The following ERICH3 variants were observed in gnomAD, a reference collection of about 807,000 sequenced individuals.
ERICH3 encodes the protein glutamate-rich protein 3.
ERICH3 carries 126 observed loss-of-function variants against 131.1 expected under a neutral mutation model. The observed-to-expected ratio is 0.96, with a 90% CI of 0.83 to 1.11. The LOEUF (loss-of-function observed/expected upper bound fraction) is 1.11. Among genes scored for constraint, ERICH3 ranks in the 50% most tolerant of loss-of-function variants. The pLI, the probability that ERICH3 is intolerant of heterozygous loss-of-function variation, is 0.00. For missense variants in ERICH3, 2,050 were observed against 1,810.7 expected, an observed-to-expected ratio of 1.13 and a Z score of -2.40; for synonymous variants, 695 against 644.6, an observed-to-expected ratio of 1.08 and a Z score of -1.18.
intron 2 of ERICH3, among the ~76,000 whole-genome samples, chr1:74,648,067 T>G (rs991504406): frequency 2.0e-5 from 3 of 152,098 alleles, no homozygotes; most frequent in Admixed American, 2.0e-4. Context: ...GGTCTCACAT[T>G]CGCATTTTCT....
chr1:74,667,164 C>G (rs146159094), intron 1 of ERICH3, among the ~76,000 whole-genome samples: 1 of 151,964 alleles, frequency 6.6e-6, no homozygotes, highest in Admixed American at 6.6e-5. Context: ...GTCTTTATTT[C>G]GTCTATGACT....
chr1:74,630,142 C>G (rs1030881521), intron 7 of ERICH3, among the ~76,000 whole-genome samples: 1 of 152,110 alleles, frequency 6.6e-6, no homozygotes, highest in Non-Finnish European at 1.5e-5. Context: ...ATCCGAAAAT[C>G]AAATCCTGCC....
At chr1:74,651,823 C>T (rs147705554) in intron 1 of ERICH3, among the ~76,000 whole-genome samples, 154 of 152,186 alleles carry the variant, frequency 1.0e-3, no homozygotes, top group African/African-American at 3.5e-3. Context: ...TAAATTATCC[C>T]CTTCCTTAAT....
chr1:74,657,461 G>A (rs1338272505), intron 1 of ERICH3, among the ~76,000 whole-genome samples: 1 of 151,934 alleles, frequency 6.6e-6, no homozygotes, highest in African/African-American at 2.4e-5. Context: ...CTTTATAGGG[G>A]GTGATTAAAC....
chr1:74,599,674 A>C, intron 11 of ERICH3, 21 bp downstream of exon 11: 5 of 1,563,604 alleles, frequency 3.2e-6, no homozygotes, highest in Middle Eastern at 3.4e-4. Context: ...CCTATGTTAC[A>C]TGATAAGCTG....
At chr1:74,640,852 T>G (rs1489015138) in intron 5 of ERICH3, among the ~76,000 whole-genome samples, 1 of 152,032 alleles carries the variant, frequency 6.6e-6, no homozygotes, top group Non-Finnish European at 1.5e-5. Context: ...TATGTAGAGA[T>G]AAGGTGGAAG....
At chr1:74,595,779 T>C (rs1246022151) in intron 11 of ERICH3, among the ~76,000 whole-genome samples, 1 of 152,096 alleles carries the variant, frequency 6.6e-6, no homozygotes, top group Non-Finnish European at 1.5e-5. Context: ...AGTATTCACC[T>C]GAAGTTATGC....
intron 5 of ERICH3, among the ~76,000 whole-genome samples, chr1:74,640,973 G>A (rs1051628973): frequency 3.9e-5 from 6 of 152,046 alleles, no homozygotes; most frequent in African/African-American, 1.4e-4. Context: ...GAAAAAATTT[G>A]GAATAGCTAA....
chr1:74,644,348 TC>T (rs34199842), intron 3 of ERICH3, among the ~76,000 whole-genome samples: 1 of 152,158 alleles, frequency 6.6e-6, no homozygotes, highest in South Asian at 2.1e-4. Flanking sequence ...ACTTGCCACT[TC>T]CCTACTGCTG....
At chr1:74,662,563 TA>T (rs537643305) in intron 1 of ERICH3, among the ~76,000 whole-genome samples, 25 of 152,014 alleles carry the variant, frequency 1.6e-4, no homozygotes, top group African/African-American at 5.5e-4. Context: ...ATCATTTTGT[TA>T]AAAAAAAGGA....
At chr1:74,596,173 T>C (rs1337485214) in intron 11 of ERICH3, among the ~76,000 whole-genome samples, 1 of 152,102 alleles carries the variant, frequency 6.6e-6, no homozygotes, top group East Asian at 1.9e-4. Context: ...ATAGCATGAA[T>C]GAAATCATCT....
At chr1:74,583,942 A>T (rs2100550774) in intron 12 of ERICH3, among the ~76,000 whole-genome samples, 1 of 152,334 alleles carries the variant, frequency 6.6e-6, no homozygotes. Context: ...ATATCAGAAG[A>T]GGGTTTTGTC....
intron 12 of ERICH3, among the ~76,000 whole-genome samples, chr1:74,588,366 A>T (rs1647432325): frequency 6.6e-6 from 1 of 152,188 alleles, no homozygotes; most frequent in South Asian, 2.1e-4. Flanking sequence ...TCAGCAAGTT[A>T]TGAGAGAAAC....
chr1:74,575,925 C>CT (rs1553161124), intron 13 of ERICH3, among the ~76,000 whole-genome samples: 39 of 151,972 alleles, frequency 2.6e-4, no homozygotes, highest in Non-Finnish European at 2.8e-4. Flanking sequence ...AAAAACATGA[C>CT]TTTTTTTTAT....
chr1:74,605,641 G>C (rs2100586423), intron 10 of ERICH3, among the ~76,000 whole-genome samples: 1 of 151,832 alleles, frequency 6.6e-6, no homozygotes, highest in East Asian at 1.9e-4. Context: ...CAGAGGGAGA[G>C]AGACTGGAGA....
Position 74,599,744 on chromosome 1 carries a change from T to C in ERICH3, c.1677A>G (p.Lys559=). The C allele has an allele frequency of 6.2e-7, 1 of 1,612,296 alleles. No individual in the cohort carries two copies. The highest frequency in any genetic ancestry group is 8.5e-7 in the Non-Finnish European group (1 of 1,178,918). ...TCTCAGAGCATCCATCATTCTCATC[T>C]TTCACATTGTCACGGGCATCTGGTG... ...QKAPDARDNV[K]DENDGCSESE... The change falls in exon 11 of 15, where the codon AAA becomes AAG. Residue 559 remains lysine (K), a synonymous_variant. Coordinates refer to ENST00000326665, the MANE Select transcript of ERICH3 (RefSeq NM_001002912.5).
intron 2 of ERICH3, among the ~76,000 whole-genome samples, chr1:74,648,692 T>A (rs1013000730): frequency 1.3e-5 from 2 of 152,154 alleles, no homozygotes; most frequent in African/African-American, 2.4e-5. Flanking sequence ...GGTTTCACAT[T>A]GTATACATTT....
chr1:74,623,686 C>G (rs1649314696), intron 7 of ERICH3: 1 of 152,154 alleles, frequency 6.6e-6, no homozygotes, highest in African/African-American at 2.4e-5. Context: ...AAATCTCCCT[C>G]CTGTTGGAAA....
At chr1:74,609,843 AG>A (rs1419832350) in intron 9 of ERICH3, among the ~76,000 whole-genome samples, 1 of 152,026 alleles carries the variant, frequency 6.6e-6, no homozygotes, top group Non-Finnish European at 1.5e-5. Context: ...TTATTTGAAA[AG>A]GTTGAAGAAA....
Sources: gnomAD v4.1 joint callset for allele counts (sites outside exome capture counted in the v4.1 genomes callset) on GRCh38, gnomAD v4.1.1 for gene constraint, MANE v1.5 for transcripts, NCBI Gene and HGNC (gene_info 2026-07-23, HGNC 2026-07-21) for gene names.